Variants in CNTN5 observed in about 807,000 individuals in gnomAD.
CNTN5 encodes contactin-5.
A neutral mutation model predicts 129.1 loss-of-function variants in CNTN5; 77 were observed. The ratio of observed to expected loss-of-function variants is 0.60; its 90% CI spans 0.50 to 0.72. The LOEUF is 0.72. Ranked by LOEUF, CNTN5 falls within the 30% of genes least tolerant of loss-of-function variation. CNTN5 has a pLI of 0.00. For synonymous variants in CNTN5, 509 were observed against 465.6 expected (o/e 1.09, Z -1.20); for missense variants, 1,478 against 1,328.8 (o/e 1.11, Z -1.75).
At chr11:99,523,460 T>G (rs1947345611) in intron 2 of CNTN5, among the ~76,000 whole-genome samples, 1 of 151,944 alleles carries the variant, frequency 6.6e-6, no homozygotes, top group Non-Finnish European at 1.5e-5. Context: ...CCAGGTGTGA[T>G]CGTGTGTGCC....
At chr11:99,144,642 C>T (rs560087757) in intron 1 of CNTN5, among the ~76,000 whole-genome samples, 16 of 152,138 alleles carry the variant, frequency 1.1e-4, no homozygotes, top group African/African-American at 3.4e-4. Flanking sequence ...AATCTGACTA[C>T]GTTATTTCAA....
chr11:100,042,009 G>A (rs1942405586), intron 9 of CNTN5, among the ~76,000 whole-genome samples: 1 of 152,110 alleles, frequency 6.6e-6, no homozygotes, highest in South Asian at 2.1e-4. Flanking sequence ...TATCCCTGAA[G>A]GCCAATTATT....
At chr11:100,140,028 G>A (rs1026652459) in intron 13 of CNTN5, among the ~76,000 whole-genome samples, 31 of 152,158 alleles carry the variant, frequency 2.0e-4, no homozygotes, top group Non-Finnish European at 7.3e-5. Flanking sequence ...CCAGCAGGGT[G>A]TCATGATAAG....
In CNTN5 at chr11:100,255,772, C is replaced by A. The variant is rs765678337; in HGVS notation, c.2018C>A (p.Pro673Gln). The A allele has an allele frequency of 9.9e-6, 16 of 1,613,612 alleles. No individual in the cohort carries two copies. The South Asian group carries it at 1.6e-4, about 17-fold the overall frequency. ...CTTTGACCTATAGGACCCCCAGGCCCACCTGGGATAGTAATTGTTGAGGAA... is the reference window on the plus strand; with the variant it reads ...CTTTGACCTATAGGACCCCCAGGCCAACCTGGGATAGTAATTGTTGAGGAA... ...AELLVRGPPG[P>Q]PGIVIVEEIT... Residue 673 changes from proline to glutamine, a missense_variant, in exon 17 of 25, where the codon CCA (proline) becomes CAA (glutamine). Pro to Gln is a moderately conservative substitution (Grantham distance 76). Transcript: ENST00000524871.
chr11:99,313,274 T>A (rs893244188), intron 1 of CNTN5, among the ~76,000 whole-genome samples: 3 of 152,128 alleles, frequency 2.0e-5, no homozygotes, highest in African/African-American at 7.2e-5. Context: ...ACAAATTATC[T>A]TGAAATATGT....
chr11:99,202,114 A>T (rs1859239938), intron 1 of CNTN5, among the ~76,000 whole-genome samples: 1 of 152,280 alleles, frequency 6.6e-6, no homozygotes, highest in Non-Finnish European at 1.5e-5. Context: ...TTCATTTTTT[A>T]ATTATTTTGA....
chr11:99,556,331 A>C, intron 3 of CNTN5, 62 bp downstream of exon 3: 1 of 1,003,080 alleles, frequency 1.0e-6, no homozygotes, highest in Non-Finnish European at 1.5e-6. Context: ...AAAATATATC[A>C]AGGTCTCCAT....
intron 1 of CNTN5, among the ~76,000 whole-genome samples, chr11:99,315,909 ACAAATTATAGAGTCGATAGAATGACG>A (rs1296566465): frequency 7.6e-6 from 1 of 131,268 alleles, no homozygotes; most frequent in African/African-American, 2.7e-5. Context: ...ATAGAATGAC[ACAAATTATAGAGTCGATAGAATGACG>A]CAAATTATAG....
In CNTN5 at chr11:99,801,940, A is replaced by G. The variant is rs1478308537; in HGVS notation, c.56-17604A>G. Reference sequence around the variant, plus strand: ...CTTGGCATGTGAATGCCCCCAAAGCATTCATATTTTTTATGGTGCCAGAAT... The same window carrying G: ...CTTGGCATGTGAATGCCCCCAAAGCGTTCATATTTTTTATGGTGCCAGAAT... On this transcript the variant is annotated intron_variant, in intron 3 of 24. Coordinates refer to ENST00000524871, the MANE Select transcript of CNTN5 (RefSeq NM_014361.4). 8.3e-4 allele frequency among the ~76,000 whole-genome samples: 127 copies of G among 152,270 alleles called. 1 individual carries two copies. The highest frequency in any genetic ancestry group is 4.4e-5 in the Non-Finnish European group (3 of 68,018).
At chr11:99,023,792 C>A (rs918921497) in intron 1 of CNTN5, among the ~76,000 whole-genome samples, 1 of 151,888 alleles carries the variant, frequency 6.6e-6, no homozygotes, top group East Asian at 1.9e-4. Flanking sequence ...AAATTTTTAC[C>A]AAGTCGTTGG....
intron 1 of CNTN5, among the ~76,000 whole-genome samples, chr11:99,323,856 A>G (rs954566326): frequency 1.3e-5 from 2 of 152,172 alleles, no homozygotes; most frequent in African/African-American, 4.8e-5. Flanking sequence ...AATATTAAGA[A>G]AAGAATGAAG....
chr11:99,326,853 A>G (rs1490950028), intron 2 of CNTN5, among the ~76,000 whole-genome samples: 1 of 152,208 alleles, frequency 6.6e-6, no homozygotes, highest in East Asian at 1.9e-4. Context: ...ATATTCTAAC[A>G]TTAGACAGAT....
intron 2 of CNTN5, among the ~76,000 whole-genome samples, chr11:99,555,633 G>A (rs539047256): frequency 1.3e-5 from 2 of 151,974 alleles, no homozygotes; most frequent in South Asian, 2.1e-4. Flanking sequence ...AATCATAGGA[G>A]TTATAAACAA....
intron 1 of CNTN5, among the ~76,000 whole-genome samples, chr11:99,099,800 G>GA (rs1866638542): frequency 2.0e-5 from 3 of 152,006 alleles, no homozygotes; most frequent in Admixed American, 2.0e-4. Context: ...AAATCACTTC[G>GA]AAAAAACTGA....
chr11:99,105,120 ACT>A (rs1866934233), intron 1 of CNTN5, among the ~76,000 whole-genome samples: 2 of 152,008 alleles, frequency 1.3e-5, no homozygotes, highest in African/African-American at 4.8e-5. Context: ...TTGAATTGTG[ACT>A]CTGCACCTAC....
At chr11:99,800,592 A>G (rs1301836) in intron 3 of CNTN5, among the ~76,000 whole-genome samples, 88,033 of 151,862 alleles carry the variant, frequency 0.58, 26,298 homozygotes, top group East Asian at 0.72. Flanking sequence ...CAGAGGTCTA[A>G]AAGTACTTCT....
At chr11:99,144,932 C>T (rs1006677581) in intron 1 of CNTN5, among the ~76,000 whole-genome samples, 1 of 151,982 alleles carries the variant, frequency 6.6e-6, no homozygotes, top group African/African-American at 2.4e-5. Context: ...GATTTTGGCA[C>T]TGGAGACCTT....
rs200300394 is a variant in CNTN5, at chr11:99,845,250, C to T, written c.565C>T (p.Leu189=). Residue 189 remains leucine, a synonymous_variant, in exon 6 of 25, where the codon CTG becomes TTG. Transcript: ENST00000524871. Reference sequence around the variant, plus strand: ...GAGTATTCTTAGTAGAGAAGCTACACTGCAGTTTGCCTGTGAGTAAAATAT... The same window carrying T: ...GAGTATTCTTAGTAGAGAAGCTACATTGCAGTTTGCCTGTGAGTAAAATAT... ...VGSILSREAT[L]QFAYLGNFSG... The T allele has an allele frequency of 6.2e-7, 1 of 1,609,184 alleles. No homozygotes were observed. Among genetic ancestry groups the T allele is most frequent in the South Asian group, 1.1e-5 (1 of 90,416 alleles).
At chr11:100,206,658 AT>A (rs1022198673) in intron 15 of CNTN5, among the ~76,000 whole-genome samples, 1 of 151,972 alleles carries the variant, frequency 6.6e-6, no homozygotes, top group African/African-American at 2.4e-5. Context: ...GGACTGTATG[AT>A]TTTTTTTCGT....
Sources: gnomAD v4.1 joint callset for allele counts (sites outside exome capture counted in the v4.1 genomes callset) on GRCh38, gnomAD v4.1.1 for gene constraint, MANE v1.5 for transcripts, NCBI Gene and HGNC (gene_info 2026-07-23, HGNC 2026-07-21) for gene names.